CSPG4: variants seen among roughly 807,000 people sequenced by gnomAD.
The protein encoded by CSPG4 is chondroitin sulfate proteoglycan 4 (melanoma-associated).
A neutral mutation model predicts 139.3 loss-of-function variants in CSPG4; 74 were observed. That is an observed-to-expected ratio of 0.53 (90% confidence interval 0.44 to 0.64). The LOEUF is 0.64. Ranked by LOEUF, CSPG4 falls within the 30% of genes least tolerant of loss-of-function variation. The pLI, the probability that CSPG4 is intolerant of heterozygous loss-of-function variation, is 0.00. For synonymous variants in CSPG4, 1,234 were observed against 1,394.2 expected, an observed-to-expected ratio of 0.89 and a Z score of 2.56; for missense variants, 2,565 against 3,148.3, an observed-to-expected ratio of 0.81 and a Z score of 4.43.
chr15:75,677,526 G>T, intron 9 of CSPG4, 142 bp from the exon 10 acceptor site: 1 of 1,199,508 alleles, frequency 8.3e-7, no homozygotes, highest in Non-Finnish European at 1.1e-6. Flanking sequence ...AGGGTTCCCA[G>T]GAGGATAAGG....
Position 75,687,820 on chromosome 15 carries a change from G to A in CSPG4, c.3245C>T (p.Thr1082Ile), listed in dbSNP as rs1894084796. Residue 1082 changes from threonine to isoleucine, a missense_variant, in exon 3 of 10, where the codon ACC (threonine) becomes ATC (isoleucine). This residue lies in a region of CSPG4 where 2,316 missense variants were observed against 2,818.2 expected (regional missense o/e 0.82). Coordinates refer to ENST00000308508, the MANE Select transcript of CSPG4 (RefSeq NM_001897.5). The surrounding 1 kb of genome is among the most constrained non-coding windows in gnomAD (Gnocchi z 5.4). ...TCGCCTCTTCCTGAGGTCCTCCTGG[G>A]TGAAGCGGTAGATGGGCCGCGTGGG... is the stretch of plus-strand genomic sequence containing the variant. ...DEPTRPIYRFTQEDLRKRRVL... is the reference protein window; with the variant it reads ...DEPTRPIYRFIQEDLRKRRVL... The A allele has an allele frequency of 1.9e-6, 3 of 1,612,954 alleles. No homozygotes were observed. The highest frequency in any genetic ancestry group is 2.2e-5 in the East Asian group (1 of 44,890).
upstream of CSPG4, among the ~76,000 whole-genome samples, chr15:75,713,057 A>T (rs1420546930): frequency 6.6e-6 from 1 of 152,162 alleles, no homozygotes; most frequent in Non-Finnish European, 1.5e-5. Flanking sequence ...AAGACTTAGA[A>T]CAAAGTCATA....
chr15:75,711,933 T>G (rs1050532157), intron 1 of CSPG4, among the ~76,000 whole-genome samples: 1 of 151,606 alleles, frequency 6.6e-6, no homozygotes, highest in Non-Finnish European at 1.5e-5. Flanking sequence ...CAGGCATCAG[T>G]GCTGGGATGA....
intron 1 of CSPG4, among the ~76,000 whole-genome samples, chr15:75,701,795 G>T (rs550777181): frequency 6.6e-6 from 1 of 152,150 alleles, no homozygotes; most frequent in Non-Finnish European, 1.5e-5. Flanking sequence ...AAAGCAAGGA[G>T]GACTCAGTGT....
At chr15:75,702,213 C>A (rs1395291340) in intron 1 of CSPG4, among the ~76,000 whole-genome samples, 1 of 152,224 alleles carries the variant, frequency 6.6e-6, no homozygotes, top group Non-Finnish European at 1.5e-5. Context: ...CTCTTGCTCT[C>A]TTCCAAGGAC....
In CSPG4 at chr15:75,689,228, C is replaced by A; in HGVS notation, c.1837G>T (p.Ala613Ser). ...VERRDQPGEP[A>S]TEFSCRELEA... ...AACTCCCGGCAGGAGAACTCGGTCGCCGGCTCCCCAGGCTGGTCTCGGCGC... is the reference window on the plus strand; with the variant it reads ...AACTCCCGGCAGGAGAACTCGGTCGACGGCTCCCCAGGCTGGTCTCGGCGC... Residue 613 changes from alanine (A) to serine (S), a missense_variant, in exon 3 of 10, where the codon GCG (alanine) becomes TCG (serine). Ala to Ser is a moderately conservative substitution (Grantham distance 99, BLOSUM62 1). Around this residue, in one of 5 missense-constraint regions of CSPG4, gnomAD observed 2,316 missense variants for 2,818.2 expected, o/e 0.82. Coordinates refer to ENST00000308508, the MANE Select transcript of CSPG4 (RefSeq NM_001897.5). 6.2e-7 allele frequency: 1 copy of A among 1,609,960 alleles called. No homozygotes were observed. Among genetic ancestry groups the A allele is most frequent in the Non-Finnish European group, 8.5e-7 (1 of 1,179,412 alleles).
rs2141426143 is a variant in CSPG4 at position 75,684,927 on chromosome 15, A to G, written c.4273-15T>C. 6.2e-7 allele frequency: 1 copy of G among 1,600,642 alleles called. No homozygotes were observed. Among genetic ancestry groups the G allele is most frequent in the Non-Finnish European group, 8.6e-7 (1 of 1,169,404 alleles). On this transcript the variant is annotated splice_polypyrimidine_tract_variant and intron_variant, in intron 4 of 9. Transcript: ENST00000308508. Reference sequence around the variant, plus strand: ...TGCTCTTCCACCTAGGGGCAGGCCCAGGGCTGGCAGTCAGGCCCCAGCAGC... The same window carrying G: ...TGCTCTTCCACCTAGGGGCAGGCCCGGGGCTGGCAGTCAGGCCCCAGCAGC...
chr15:75,700,650 A>G (rs944938718), intron 1 of CSPG4, among the ~76,000 whole-genome samples: 1 of 152,126 alleles, frequency 6.6e-6, no homozygotes, highest in African/African-American at 2.4e-5. Context: ...GGCTGTGTCC[A>G]GGACCAGGCA....
chr15:75,681,810 C>T (rs1300777783), intron 8 of CSPG4, among the ~76,000 whole-genome samples: 2 of 152,180 alleles, frequency 1.3e-5, no homozygotes, highest in Non-Finnish European at 2.9e-5. Flanking sequence ...AGCTGCCTTT[C>T]ATCAGCTCAT....
intron 1 of CSPG4, among the ~76,000 whole-genome samples, chr15:75,706,572 G>A (rs1894376270): frequency 6.6e-6 from 1 of 152,194 alleles, no homozygotes; most frequent in Non-Finnish European, 1.5e-5. Context: ...GGAGGGCAGG[G>A]CCCCAGGAGA....
At chr15:75,694,298 TC>T (rs1894199803) in intron 1 of CSPG4, among the ~76,000 whole-genome samples, 2 of 152,366 alleles carry the variant, frequency 1.3e-5, no homozygotes, top group East Asian at 3.9e-4. Context: ...CCAGTCAGTT[TC>T]CCCAGATTAG....
chr15:75,676,138 C>G lies in CSPG4; in HGVS notation c.6381G>C (p.Val2127=). ...CGGGGGCCCTCCCCTCTGGCCTGCCCACCTCCAGCCCCAGCCTCCCGTCCT... is the reference window on the plus strand; with the variant it reads ...CGGGGGCCCTCCCCTCTGGCCTGCCGACCTCCAGCCCCAGCCTCCCGTCCT... ...DLEDGRLGLE[V]GRPEGRAPGP... is the part of the protein sequence containing the mutation. The change falls in exon 10 of 10, where the codon GTG becomes GTC. Residue 2127 remains valine, a synonymous_variant. Coordinates refer to ENST00000308508, the MANE Select transcript of CSPG4 (RefSeq NM_001897.5). 5.8e-6 allele frequency: 9 copies of G among 1,543,508 alleles called. No homozygotes were observed. The highest frequency in any genetic ancestry group is 7.8e-6 in the Non-Finnish European group (9 of 1,150,708).
At chr15:75,705,518 C>A (rs577551060) in intron 1 of CSPG4, among the ~76,000 whole-genome samples, 2 of 152,194 alleles carry the variant, frequency 1.3e-5, no homozygotes, top group Non-Finnish European at 2.9e-5. Context: ...CCTTACAACA[C>A]GTAAGAGGTT....
intron 5 of CSPG4, among the ~76,000 whole-genome samples, chr15:75,683,644 C>A (rs1894011252): frequency 6.6e-6 from 1 of 152,204 alleles, no homozygotes; most frequent in Admixed American, 6.5e-5. Context: ...CAAAGGGGAC[C>A]CCTTTTTCAG....
chr15:75,690,493 C>G lies in CSPG4; in HGVS notation c.572G>C (p.Gly191Ala). ...LRPLTPDVHE[G>A]CAEEFSASDD... ...ACTGGCAGAAAACTCTTCAGCACAG[C>G]CCTCATGCACATCGGGGGTCAGAGG... The change falls in exon 3 of 10, where the codon GGC becomes GCC. Residue 191 changes from glycine (G) to alanine (A), a missense_variant. Gly to Ala is a moderately conservative substitution (Grantham distance 60). Transcript: ENST00000308508. The G allele has an allele frequency of 1.9e-6, 3 of 1,609,482 alleles. No homozygotes were observed. The South Asian group carries it at 3.3e-5, about 18-fold the overall frequency.
intron 1 of CSPG4, among the ~76,000 whole-genome samples, chr15:75,709,659 T>A (rs907040958): frequency 1.3e-5 from 2 of 151,688 alleles, no homozygotes; most frequent in Non-Finnish European, 2.9e-5. Flanking sequence ...TATTTCCAAC[T>A]CCCCCTCCCC....
Position 75,675,839 on chromosome 15 carries a change from A to G in CSPG4, c.6680T>C (p.Ile2227Thr), listed in dbSNP as rs1566970875. Reference sequence around the variant, plus strand: ...GAGCAGAAGTACCAGGCACATGGGGATGATGACGCTGAACATGTTGGCCTC... The same window carrying G: ...GAGCAGAAGTACCAGGCACATGGGGGTGATGACGCTGAACATGTTGGCCTC... ...FLEANMFSVI[I>T]PMCLVLLLLA... is the part of the protein sequence containing the mutation. Residue 2227 changes from isoleucine (I) to threonine (T), a missense_variant, in exon 10 of 10, where the codon ATC (isoleucine) becomes ACC (threonine). Around this residue, in one of 5 missense-constraint regions of CSPG4, gnomAD observed 2,316 missense variants for 2,818.2 expected, o/e 0.82. Transcript: ENST00000308508. 6.2e-7 allele frequency: 1 copy of G among 1,612,012 alleles called. No homozygotes were observed. Among genetic ancestry groups the G allele is most frequent in the Non-Finnish European group, 8.5e-7 (1 of 1,179,994 alleles).
Position 75,677,091 on chromosome 15 carries a change from C to A in CSPG4, c.5428G>T (p.Ala1810Ser). 1.4e-6 allele frequency: 2 copies of A among 1,413,328 alleles called. No individual in the cohort carries two copies. The allele number at this position is 1,413,328 out of a possible 1,614,324, so 87.5% of individuals were successfully genotyped here. The change falls in exon 10 of 10, where the codon GCC becomes TCC. Residue 1810 changes from alanine to serine, a missense_variant. Physicochemically the swap from Ala to Ser is moderately conservative, Grantham distance 99. Around this residue, in one of 5 missense-constraint regions of CSPG4, gnomAD observed 2,316 missense variants for 2,818.2 expected, o/e 0.82. Coordinates refer to ENST00000308508, the MANE Select transcript of CSPG4 (RefSeq NM_001897.5). ...FRAHLQGPAG[A>S]SVAGPQTSEA... ...GAGGTTTGGGGTCCAGCCACGGAGGCCCCTGCTGGCCCCTGGAGGTGGGCA... is the reference window on the plus strand; with the variant it reads ...GAGGTTTGGGGTCCAGCCACGGAGGACCCTGCTGGCCCCTGGAGGTGGGCA...
Position 75,712,712 on chromosome 15 carries a change from G to A in CSPG4, c.44C>T (p.Ala15Val). The change falls in exon 1 of 10, where the codon GCC (alanine) becomes GTC (valine). Residue 15 changes from alanine (A) to valine (V), a missense_variant. Ala to Val is a moderately conservative substitution (Grantham distance 64). Coordinates refer to ENST00000308508, the MANE Select transcript of CSPG4 (RefSeq NM_001897.5). ...PRPPLPAPGLALALTLTMLAR... is the reference protein window; with the variant it reads ...PRPPLPAPGLVLALTLTMLAR... ...CAACATAGTCAGGGTCAAAGCCAAG[G>A]CCAGGCCGGGGGCTGGAAGTGGGGG... is the stretch of plus-strand genomic sequence containing the variant. The A allele has an allele frequency of 6.4e-7, 1 of 1,563,714 alleles. No individual in the cohort carries two copies. The highest frequency in any genetic ancestry group is 8.7e-7 in the Non-Finnish European group (1 of 1,154,724).
Sources: allele counts gnomAD v4.1 joint callset (sites outside exome capture counted in the v4.1 genomes callset), GRCh38; gene constraint gnomAD v4.1.1; regional missense constraint gnomAD v4.1.1; non-coding constraint Gnocchi (gnomAD v3.1); transcripts MANE v1.5; gene names NCBI Gene and HGNC (gene_info 2026-07-23, HGNC 2026-07-21).